IQSEC1: variants seen among roughly 807,000 people sequenced by gnomAD.
The protein encoded by IQSEC1 is IQ motif and SEC7 domain-containing protein 1.
A neutral mutation model predicts 91.0 loss-of-function variants in IQSEC1; 31 were observed. The observed-to-expected ratio is 0.34, with a 90% CI of 0.26 to 0.46. The LOEUF is 0.46. IQSEC1 is among the 20% of genes least tolerant of loss of function. IQSEC1 has a pLI of 1.00. For synonymous variants in IQSEC1, 699 were observed against 662.6 expected, an observed-to-expected ratio of 1.05 and a Z score of -0.84; for missense variants, 1,388 against 1,575.6, an observed-to-expected ratio of 0.88 and a Z score of 2.02.
rs182429027 is a variant in IQSEC1 at position 13,124,763 on chromosome 3, G to A, written c.302+39341C>T. 3.6e-3 allele frequency among the ~76,000 whole-genome samples: 419 copies of A among 116,548 alleles called. 1 individual carries two copies. Among genetic ancestry groups the A allele is most frequent in the Admixed American group, 6.3e-3 (83 of 13,158 alleles). 76.5% of individuals were successfully genotyped at this position (116,548 alleles called of 152,430 possible). On this transcript the variant is annotated intron_variant, in intron 2 of 15. Transcript: ENST00000648114. Reference sequence around the variant, plus strand: ...CGATGCTCTTGGGCAAACGTCCCATGGGAGCTCCTGGATCCCCCCCAGACT... The same window carrying A: ...CGATGCTCTTGGGCAAACGTCCCATAGGAGCTCCTGGATCCCCCCCAGACT...
chr3:12,918,173 G>A (rs1014692330), intron 6 of IQSEC1, among the ~76,000 whole-genome samples: 1 of 152,260 alleles, frequency 6.6e-6, no homozygotes, highest in East Asian at 1.9e-4. Context: ...TGAGGAAGAT[G>A]AGAAAGAATG....
At chr3:13,115,403 C>T (rs1706318080) in intron 2 of IQSEC1, among the ~76,000 whole-genome samples, 1 of 152,180 alleles carries the variant, frequency 6.6e-6, no homozygotes, top group Non-Finnish European at 1.5e-5. Flanking sequence ...GGGTCTGGGC[C>T]CCCATGATGT....
intron 6 of IQSEC1, among the ~76,000 whole-genome samples, chr3:12,916,306 G>A (rs1362108126): frequency 1.3e-5 from 2 of 152,214 alleles, no homozygotes; most frequent in Non-Finnish European, 2.9e-5. Context: ...TCTGAGCGGT[G>A]GGAGTGCTGC....
Position 13,238,298 on chromosome 3 carries a change from G to A in IQSEC1, c.272+44413C>T, listed in dbSNP as rs183763528. On this transcript the variant is annotated intron_variant, in intron 1 of 15. Transcript: ENST00000648114. ...CAACAGCTCCCTGAGTCCAGACCACGCACAGCAACCCTTGTCCAGCCCTGG... is the reference window on the plus strand; with the variant it reads ...CAACAGCTCCCTGAGTCCAGACCACACACAGCAACCCTTGTCCAGCCCTGG... Among the ~76,000 whole-genome samples, 204 of 152,220 alleles carry A rather than the reference G, an allele frequency of 1.3e-3. 1 individual carries two copies. Among genetic ancestry groups the A allele is most frequent in the African/African-American group, 4.7e-3 (195 of 41,528 alleles).
chr3:13,269,208 C>G (rs114053606), intron 1 of IQSEC1, among the ~76,000 whole-genome samples: 2,160 of 152,306 alleles, frequency 0.014, 49 homozygotes, highest in African/African-American at 0.049. Flanking sequence ...CTCAGGCCAA[C>G]ACTCCTGCCC....
intron 1 of IQSEC1, among the ~76,000 whole-genome samples, chr3:12,958,362 C>T (rs1010282188): frequency 6.6e-6 from 1 of 152,194 alleles, no homozygotes; most frequent in East Asian, 1.9e-4. Flanking sequence ...GTCTGGTACC[C>T]AGCAGGCAGG....
intron 1 of IQSEC1, among the ~76,000 whole-genome samples, chr3:13,200,033 C>T (rs985628735): frequency 3.4e-5 from 5 of 145,910 alleles, no homozygotes; most frequent in African/African-American, 1.3e-4. Flanking sequence ...ACATCACACA[C>T]ACCACACACT....
chr3:12,956,022 T>C (rs944730398), intron 1 of IQSEC1, among the ~76,000 whole-genome samples: 11 of 152,238 alleles, frequency 7.2e-5, no homozygotes, highest in Non-Finnish European at 1.5e-5. Flanking sequence ...AGATTTTATA[T>C]GAAAATCTAA....
chr3:13,069,450 G>A (rs1270598095), intron 1 of IQSEC1, among the ~76,000 whole-genome samples: 2 of 152,204 alleles, frequency 1.3e-5, no homozygotes, highest in Non-Finnish European at 2.9e-5. Context: ...CTTCTGTCTA[G>A]GGGAGACCCA....
At position 13,030,959 on chromosome 3, in the gene IQSEC1, T is replaced by G. The variant is rs139341249; in HGVS notation, c.23+42033A>C. Among the ~76,000 whole-genome samples, 92 of 152,344 alleles carry G rather than the reference T, an allele frequency of 6.0e-4. 1 individual carries two copies. The East Asian group carries it at 0.018, about 29-fold the overall frequency. ...AAGAAGCTAAAAGCAATGCACAAAATAATACGTTGGTTGGATTTCAGCCCT... is the reference window on the plus strand; with the variant it reads ...AAGAAGCTAAAAGCAATGCACAAAAGAATACGTTGGTTGGATTTCAGCCCT... On this transcript the variant is annotated intron_variant, in intron 1 of 13. Transcript: ENST00000613206.
chr3:13,156,064 C>A (rs1209656865), intron 2 of IQSEC1, among the ~76,000 whole-genome samples: 48 of 129,830 alleles, frequency 3.7e-4, no homozygotes, highest in South Asian at 5.0e-4. Context: ...ACTAAAAATA[C>A]AAAAAAAAAA....
rs1345779277 is a variant in IQSEC1, at chr3:13,211,344, G to A, written c.273-47211C>T. Among the ~76,000 whole-genome samples the A allele has an allele frequency of 1.3e-5, 2 of 152,278 alleles. No homozygotes were observed. The highest frequency in any genetic ancestry group is 6.5e-5 in the Admixed American group (1 of 15,300). ...TCCTGAACCCAGGACTTCTAATAGC[G>A]TGCCCATGAAATTTACTGAATTAGG... On this transcript the variant is annotated intron_variant, in intron 1 of 15. Transcript: ENST00000648114. The surrounding 1 kb of genome is among the most constrained non-coding windows in gnomAD (Gnocchi z 5.3).
At chr3:12,951,513 G>C (rs970678436) in intron 1 of IQSEC1, among the ~76,000 whole-genome samples, 1 of 152,094 alleles carries the variant, frequency 6.6e-6, no homozygotes, top group African/African-American at 2.4e-5. Flanking sequence ...CAGGAACAGT[G>C]AGGGCTTTCC....
chr3:13,090,029 C>T (rs1705810676), intron 2 of IQSEC1, among the ~76,000 whole-genome samples: 1 of 152,006 alleles, frequency 6.6e-6, no homozygotes, highest in Non-Finnish European at 1.5e-5. Flanking sequence ...TCCTGGCTAA[C>T]ACGGTGAAAC....
chr3:12,935,701 C>T lies in IQSEC1; in HGVS notation c.1315G>A (p.Gly439Ser), dbSNP rs1313779626. 6.2e-7 allele frequency: 1 copy of T among 1,613,408 alleles called. No individual in the cohort carries two copies. The highest frequency in any genetic ancestry group is 1.1e-5 in the South Asian group (1 of 91,082). ...GACTTGCTCTGCCGGTTGGCTGAGCCATTGATGGCCAAGTGGCTGTCCAGG... is the reference window on the plus strand; with the variant it reads ...GACTTGCTCTGCCGGTTGGCTGAGCTATTGATGGCCAAGTGGCTGTCCAGG... ...RPLDSHLAIN[G>S]SANRQSKSES... The change falls in exon 3 of 14, where the codon GGC becomes AGC. Residue 439 changes from glycine (G) to serine (S), a missense_variant. By Grantham distance (56) the Gly-to-Ser change is moderately conservative. Around this residue, in one of 2 missense-constraint regions of IQSEC1, gnomAD observed 1,059 missense variants for 1,317.8 expected, o/e 0.80. Coordinates refer to ENST00000613206, the MANE Select transcript of IQSEC1 (RefSeq NM_001134382.3). This position sits in a 1 kb window ranked among gnomAD's most constrained non-coding sequence, Gnocchi z 8.0.
At chr3:13,261,727 A>G (rs906362335) in intron 1 of IQSEC1, among the ~76,000 whole-genome samples, 8 of 152,082 alleles carry the variant, frequency 5.3e-5, no homozygotes, top group African/African-American at 1.9e-4. Flanking sequence ...CAAAATCCCC[A>G]ATAAATCTCC....
intron 2 of IQSEC1, among the ~76,000 whole-genome samples, chr3:13,119,580 G>A (rs531660331): frequency 6.6e-6 from 1 of 152,350 alleles, no homozygotes; most frequent in African/African-American, 2.4e-5. Flanking sequence ...TGTGATCACT[G>A]ATGCTGTTCA....
rs183692521 is a variant in IQSEC1 at position 13,172,466 on chromosome 3, G to A, written c.273-8333C>T. ...ATCCAGACAATAGTGAGCCACAGCA[G>A]GATCTTGAGCAGAGGAGAGCTGTGA... On this transcript the variant is annotated intron_variant, in intron 1 of 15. Coordinates refer to the IQSEC1 transcript ENST00000648114. 1.0e-3 allele frequency among the ~76,000 whole-genome samples: 155 copies of A among 152,350 alleles called. 1 individual carries two copies. Among genetic ancestry groups the A allele is most frequent in the African/African-American group, 3.6e-3 (148 of 41,574 alleles).
chr3:13,174,092 C>T (rs1260900994), intron 1 of IQSEC1, among the ~76,000 whole-genome samples: 9 of 152,196 alleles, frequency 5.9e-5, no homozygotes, highest in Non-Finnish European at 8.8e-5. Context: ...CGGGTTCCTA[C>T]CCGCTTCCCC....
Sources: gnomAD v4.1 joint callset for allele counts (sites outside exome capture counted in the v4.1 genomes callset) on GRCh38, gnomAD v4.1.1 for gene constraint, gnomAD v4.1.1 regional missense constraint, Gnocchi (gnomAD v3.1) non-coding constraint, MANE v1.5 for transcripts, NCBI Gene and HGNC (gene_info 2026-07-23, HGNC 2026-07-21) for gene names.